Variants in SFMBT2 observed in about 807,000 individuals in gnomAD.
SFMBT2 encodes Scm like with four mbt domains 2, also known as scm-like with four MBT domains protein 2.
A neutral mutation model predicts 110.1 loss-of-function variants in SFMBT2; 38 were observed. The observed-to-expected ratio is 0.35, with a 90% CI of 0.27 to 0.45. The LOEUF (loss-of-function observed/expected upper bound fraction) is 0.45. Ranked by LOEUF, SFMBT2 falls within the 20% of genes least tolerant of loss-of-function variation. The probability of loss-of-function intolerance (pLI) is 1.00; values close to 1 mark genes in which losing one functional copy is unlikely to be tolerated. For missense variants in SFMBT2, 1,011 were observed against 1,094.9 expected, an observed-to-expected ratio of 0.92 and a Z score of 1.08; for synonymous variants, 425 against 425.4, an observed-to-expected ratio of 1.00 and a Z score of 0.01.
At chr10:7,188,758 CTG>C (rs748349040) in intron 15 of SFMBT2, 25 bp from the exon 16 acceptor site, 8 of 1,586,896 alleles carry the variant, frequency 5.0e-6, no homozygotes, top group Non-Finnish European at 6.9e-6. Context: ...AATAAGCAGA[CTG>C]AGCTGCAATT....
At chr10:7,377,100 C>CA (rs1266949043) in intron 2 of SFMBT2, among the ~76,000 whole-genome samples, 45 of 136,570 alleles carry the variant, frequency 3.3e-4, no homozygotes, top group Non-Finnish European at 4.6e-5. Context: ...ACCAGGGAGT[C>CA]AGAGGTTGCA....
chr10:7,183,915 C>T (rs147393522), intron 16 of SFMBT2, among the ~76,000 whole-genome samples: 21 of 152,286 alleles, frequency 1.4e-4, no homozygotes, highest in African/African-American at 4.6e-4. Flanking sequence ...AGCACTCCCT[C>T]GGTATGAGGG....
intron 1 of SFMBT2, among the ~76,000 whole-genome samples, chr10:7,391,966 T>C (rs1845779424): frequency 6.6e-6 from 1 of 152,334 alleles, no homozygotes; most frequent in South Asian, 2.1e-4. Context: ...CTGCCGCCCA[T>C]TAAAGCTGTT....
At chr10:7,342,467 G>A (rs1283678218) in intron 4 of SFMBT2, among the ~76,000 whole-genome samples, 2 of 137,280 alleles carry the variant, frequency 1.5e-5, no homozygotes, top group Non-Finnish European at 3.1e-5. Flanking sequence ...GGAGTGCAGT[G>A]GTGCAATCTC....
Position 7,163,869 on chromosome 10 carries a change from C to T in SFMBT2, c.2586G>A (p.Thr862=), listed in dbSNP as rs765949377. Residue 862 remains threonine (T), a synonymous_variant, in exon 21 of 21, where the codon ACG becomes ACA. Coordinates refer to ENST00000397167, the MANE Select transcript of SFMBT2 (RefSeq NM_001387889.1). The surrounding 1 kb of genome is among the most constrained non-coding windows in gnomAD (Gnocchi z 4.8). ...GQALLLLTLP[T]VQECMELKLG... ...GCTTCAGCTCCATGCACTCCTGCACCGTCGGAAGGGTCAGAAGCAGGAGTG... is the reference window on the plus strand; with the variant it reads ...GCTTCAGCTCCATGCACTCCTGCACTGTCGGAAGGGTCAGAAGCAGGAGTG... 1.5e-5 allele frequency: 25 copies of T among 1,613,976 alleles called. No homozygotes were observed. The highest frequency in any genetic ancestry group is 3.3e-5 in the Admixed American group (2 of 59,994).
intron 1 of SFMBT2, among the ~76,000 whole-genome samples, chr10:7,398,611 A>C (rs1337160322): frequency 1.3e-5 from 2 of 152,060 alleles, no homozygotes; most frequent in Non-Finnish European, 2.9e-5. Context: ...TTGTGGGTAC[A>C]TGGTGTAAAT....
intron 1 of SFMBT2, among the ~76,000 whole-genome samples, chr10:7,404,013 G>T (rs889950420): frequency 6.6e-6 from 1 of 152,088 alleles, no homozygotes; most frequent in Non-Finnish European, 1.5e-5. Context: ...GGATCCCAAC[G>T]ACCCTGATTT....
At chr10:7,259,512 T>C (rs1173042954) in intron 7 of SFMBT2, among the ~76,000 whole-genome samples, 2 of 152,244 alleles carry the variant, frequency 1.3e-5, no homozygotes, top group Non-Finnish European at 2.9e-5. Flanking sequence ...ACTGCATCTC[T>C]GGGGTCTATC....
chr10:7,335,397 G>A (rs1447332745), intron 4 of SFMBT2, among the ~76,000 whole-genome samples: 1 of 151,980 alleles, frequency 6.6e-6, no homozygotes, highest in East Asian at 1.9e-4. Flanking sequence ...AAATGCAGAC[G>A]CAGCTCACCG....
intron 7 of SFMBT2, among the ~76,000 whole-genome samples, chr10:7,265,395 T>C (rs902013558): frequency 1.3e-5 from 2 of 152,042 alleles, no homozygotes; most frequent in Non-Finnish European, 2.9e-5. Context: ...AGAGATGGGG[T>C]TTCACCATGT....
At chr10:7,186,738 TA>T (rs1227932772) in intron 16 of SFMBT2, among the ~76,000 whole-genome samples, 1 of 152,058 alleles carries the variant, frequency 6.6e-6, no homozygotes, top group Non-Finnish European at 1.5e-5. Context: ...CCAAAGAAAA[TA>T]GCAAAGTTGT....
intron 11 of SFMBT2, among the ~76,000 whole-genome samples, chr10:7,219,356 C>A (rs904067358): frequency 6.6e-6 from 1 of 152,170 alleles, no homozygotes; most frequent in Non-Finnish European, 1.5e-5. Flanking sequence ...ATTTTGGAAC[C>A]CTAAACTTCA....
Position 7,381,864 on chromosome 10 carries a change from T to A in SFMBT2, c.35A>T (p.Asp12Val). The change falls in exon 2 of 21, where the codon GAC becomes GTC. Residue 12 changes from aspartate to valine, a missense_variant. By Grantham distance (152) the Asp-to-Val change is radical (BLOSUM62 -3). Around this residue, in one of 2 missense-constraint regions of SFMBT2, gnomAD observed 979 missense variants for 1,016.1 expected, o/e 0.96. Transcript: ENST00000397167. ...ESTLSASNMQ[D>V]PSSSPLEKCL... ...CTTTTCCAAGGGTGAAGATGAAGGG[T>A]CTTGCATATTGGAAGCTGACAAAGT... The A allele has an allele frequency of 6.2e-7, 1 of 1,612,974 alleles. No individual in the cohort carries two copies.
chr10:7,243,336 GA>G (rs973038370), intron 9 of SFMBT2, among the ~76,000 whole-genome samples: 1 of 152,180 alleles, frequency 6.6e-6, no homozygotes, highest in African/African-American at 2.4e-5. Flanking sequence ...AACGGATGGG[GA>G]AACTCCTGTG....
intron 4 of SFMBT2, among the ~76,000 whole-genome samples, chr10:7,335,830 G>A (rs1268789439): frequency 1.3e-5 from 2 of 152,124 alleles, no homozygotes; most frequent in Non-Finnish European, 2.9e-5. Context: ...CTGGCCAAGC[G>A]TTCTCACAAT....
chr10:7,253,183 T>C (rs988005746), intron 7 of SFMBT2, among the ~76,000 whole-genome samples: 40 of 152,288 alleles, frequency 2.6e-4, no homozygotes, highest in Non-Finnish European at 2.5e-4. Context: ...CTCTTCCATT[T>C]GGCTGTTCAT....
rs142032403 is a variant in SFMBT2 at position 7,194,841 on chromosome 10, T to C, written c.1698+2707A>G. Among the ~76,000 whole-genome samples the C allele has an allele frequency of 3.7e-3, 556 of 152,320 alleles. 2 individuals carry two copies. Among genetic ancestry groups the C allele is most frequent in the Non-Finnish European group, 6.1e-3 (416 of 68,032 alleles). On this transcript the variant is annotated intron_variant, in intron 15 of 20. Coordinates refer to ENST00000397167, the MANE Select transcript of SFMBT2 (RefSeq NM_001387889.1). The stretch of plus-strand genomic sequence containing the variant: ...CTTTAAATTTGGCCGCTGGCACTTA[T>C]CGGAGAATTGATCAGGGATAACCAC...
intron 7 of SFMBT2, among the ~76,000 whole-genome samples, chr10:7,257,098 A>AAGGGAAGGGG (rs1554794264): frequency 9.4e-5 from 7 of 74,774 alleles, no homozygotes; most frequent in Non-Finnish European, 1.8e-4. Flanking sequence ...TTGGAAAGGG[A>AAGGGAAGGGG]AGGGGAGGGG....
intron 9 of SFMBT2, among the ~76,000 whole-genome samples, chr10:7,228,765 TCTCTCTCTCTCTCTCTCCCCCTCC>T (rs1840018941): frequency 9.3e-6 from 1 of 107,286 alleles, no homozygotes; most frequent in Admixed American, 9.5e-5. Context: ...TCTCTCTCTC[TCTCTCTCTCTCTCTCTCCCCCTCC>T]CTCTCTCTCT....
Sources: allele counts gnomAD v4.1 joint callset (sites outside exome capture counted in the v4.1 genomes callset), GRCh38; gene constraint gnomAD v4.1.1; regional missense constraint gnomAD v4.1.1; non-coding constraint Gnocchi (gnomAD v3.1); transcripts MANE v1.5; gene names NCBI Gene and HGNC (gene_info 2026-07-23, HGNC 2026-07-21).